Variants in SGIP1 observed in about 807,000 individuals in gnomAD.
The protein encoded by SGIP1 is SH3-containing GRB2-like protein 3-interacting protein 1.
In SGIP1, 38 loss-of-function variants were observed where a neutral mutation model predicts 107.5. That is an observed-to-expected ratio of 0.35 (90% CI 0.27 to 0.46). SGIP1 has a LOEUF of 0.46. SGIP1 is among the 20% of genes least tolerant of loss of function. The pLI is 1.00. For missense variants in SGIP1, 929 were observed against 1,019.5 expected (o/e 0.91, Z 1.21); for synonymous variants, 365 against 366.1 (o/e 1.00, Z 0.03).
rs551679076 is a variant in SGIP1 at position 66,543,307 on chromosome 1, C to T, written c.10+8939C>T. On this transcript the variant is annotated intron_variant, in intron 1 of 24. Transcript: ENST00000371037. ...TTTTTTTTCCCTGAGGAGGACAGCT[C>T]GGTGTTCACTGATATTTTATGAAAG... Among the ~76,000 whole-genome samples the T allele has an allele frequency of 7.2e-5, 11 of 152,182 alleles. No individual in the cohort carries two copies. The East Asian group carries it at 1.2e-3, about 16-fold the overall frequency.
chr1:66,708,869 C>T (rs181548984), intron 18 of SGIP1, among the ~76,000 whole-genome samples: 9 of 152,202 alleles, frequency 5.9e-5, no homozygotes, highest in Non-Finnish European at 1.3e-4. Context: ...AACTCTAATC[C>T]TATTTACATA....
chr1:66,630,869 A>AGAGAGAGAG (rs2074253428), intron 2 of SGIP1, among the ~76,000 whole-genome samples: 1 of 50,320 alleles, frequency 2.0e-5, no homozygotes, highest in South Asian at 1.8e-3. Context: ...GAAAGAAAGA[A>AGAGAGAGAG]AGAAAGAAAG....
chr1:66,688,604 C>T (rs1475743270), intron 15 of SGIP1, among the ~76,000 whole-genome samples: 6 of 152,184 alleles, frequency 3.9e-5, no homozygotes, highest in Non-Finnish European at 7.3e-5. Flanking sequence ...CATATTTTGT[C>T]TTTTGCTTAC....
At chr1:66,721,964 C>T (rs1015609762) in intron 19 of SGIP1, among the ~76,000 whole-genome samples, 1 of 152,126 alleles carries the variant, frequency 6.6e-6, no homozygotes, top group Admixed American at 6.6e-5. Context: ...AAACAAAATG[C>T]TTCATAATAC....
At chr1:66,690,014 C>T (rs2089465968) in intron 16 of SGIP1, among the ~76,000 whole-genome samples, 176 bp from the exon 17 acceptor site, 1 of 152,168 alleles carries the variant, frequency 6.6e-6, no homozygotes, top group South Asian at 2.1e-4. Context: ...TATCGTTTCT[C>T]CAGCTCCATT....
At chr1:66,590,503 T>A (rs2063451094) in intron 1 of SGIP1, 1 of 152,194 alleles carries the variant, frequency 6.6e-6, no homozygotes, top group African/African-American at 2.4e-5. Flanking sequence ...AGTGGTGTGA[T>A]CCTAGCTCAC....
chr1:66,658,470 G>A (rs529505663), intron 7 of SGIP1, among the ~76,000 whole-genome samples: 1 of 152,100 alleles, frequency 6.6e-6, no homozygotes, highest in African/African-American at 2.4e-5. Context: ...TTACAACTGA[G>A]GACACATAGC....
chr1:66,705,204 G>T (rs915902533), intron 18 of SGIP1, among the ~76,000 whole-genome samples: 3 of 152,106 alleles, frequency 2.0e-5, no homozygotes, highest in African/African-American at 4.8e-5. Context: ...TGACTTTGCC[G>T]TACCAAGTCA....
At chr1:66,624,251 A>C (rs958869293) in intron 1 of SGIP1, among the ~76,000 whole-genome samples, 4 of 152,164 alleles carry the variant, frequency 2.6e-5, no homozygotes, top group African/African-American at 4.8e-5. Context: ...GTAGGGATAG[A>C]CTGATGATTA....
At chr1:66,696,052 G>A (rs2090858930) in intron 18 of SGIP1, among the ~76,000 whole-genome samples, 1 of 152,202 alleles carries the variant, frequency 6.6e-6, no homozygotes, top group African/African-American at 2.4e-5. Context: ...TCCTGAAATT[G>A]CAATTGAGAT....
In SGIP1 at chr1:66,748,143, T is replaced by C. The variant is rs2094577371; in HGVS notation, c.*5048T>C. 1 of 152,002 alleles carries C rather than the reference T, an allele frequency of 6.6e-6. No homozygotes were observed. The highest frequency in any genetic ancestry group is 1.5e-5 in the Non-Finnish European group (1 of 67,872). 9.4% of individuals were successfully genotyped at this position (152,002 alleles called of 1,614,324 possible). A position where few individuals can be genotyped will look rare whatever the true frequency, so the allele number is the denominator to read the frequency against. Reference sequence around the variant, plus strand: ...TATTTTCCCTGCTCCTTTAGGCTTTTTTTTCATGTGGAAAACAGTATCTAA... The same window carrying C: ...TATTTTCCCTGCTCCTTTAGGCTTTCTTTTCATGTGGAAAACAGTATCTAA... On this transcript the variant is annotated 3_prime_UTR_variant, in exon 25 of 25. Coordinates refer to ENST00000371037, the MANE Select transcript of SGIP1 (RefSeq NM_032291.4).
intron 19 of SGIP1, among the ~76,000 whole-genome samples, chr1:66,720,390 T>A (rs2093468886): frequency 6.6e-6 from 1 of 152,206 alleles, no homozygotes; most frequent in Non-Finnish European, 1.5e-5. Context: ...TTAATTTTTT[T>A]ACTTACAAAG....
At chr1:66,616,244 T>G (rs140327660) in intron 1 of SGIP1, 14 of 152,342 alleles carry the variant, frequency 9.2e-5, no homozygotes, top group Middle Eastern at 3.4e-3. Context: ...AAATTTTGAT[T>G]ATTTTCAAAT....
intron 17 of SGIP1, chr1:66,690,528 C>G (rs2089585845): frequency 2.5e-5 from 15 of 588,956 alleles, no homozygotes; most frequent in South Asian, 2.2e-4. Flanking sequence ...ACATTAACAC[C>G]TGTGTTTTGC....
rs567992938 is a variant in SGIP1 at position 66,727,785 on chromosome 1, C to G, written c.1743-1479C>G. Among the ~76,000 whole-genome samples the G allele has an allele frequency of 1.1e-4, 16 of 152,234 alleles. 1 individual carries two copies. Among genetic ancestry groups the G allele is most frequent in the African/African-American group, 3.9e-4 (16 of 41,540 alleles). On this transcript the variant is annotated intron_variant, in intron 19 of 24. Coordinates refer to ENST00000371037, the MANE Select transcript of SGIP1 (RefSeq NM_032291.4). ...AAGAAACAAAAAATCACACACCTTA[C>G]AATTCTGTTATATGAAATTCTAGAA... is the stretch of plus-strand genomic sequence containing the variant.
intron 1 of SGIP1, among the ~76,000 whole-genome samples, chr1:66,559,175 A>G (rs1175613910): frequency 6.6e-6 from 1 of 152,016 alleles, no homozygotes; most frequent in African/African-American, 2.4e-5. Flanking sequence ...AATCTTGTTT[A>G]ATATATATTC....
intron 24 of SGIP1, among the ~76,000 whole-genome samples, chr1:66,742,767 C>A (rs2094499574): frequency 6.7e-6 from 1 of 149,164 alleles, no homozygotes. Flanking sequence ...CCGCGCCCGG[C>A]CTATGAGCAC....
At chr1:66,657,625 T>A (rs2080052337) in intron 7 of SGIP1, among the ~76,000 whole-genome samples, 1 of 152,020 alleles carries the variant, frequency 6.6e-6, no homozygotes, top group Admixed American at 6.6e-5. Flanking sequence ...AGGATAAGGG[T>A]CTATGAGTTC....
intron 7 of SGIP1, among the ~76,000 whole-genome samples, chr1:66,644,415 C>A (rs977846949): frequency 6.6e-6 from 1 of 151,808 alleles, no homozygotes; most frequent in East Asian, 1.9e-4. Flanking sequence ...TACTAAGTTT[C>A]TTTAATTGCT....
Sources: gnomAD v4.1 joint callset for allele counts (sites outside exome capture counted in the v4.1 genomes callset) on GRCh38, gnomAD v4.1.1 for gene constraint, MANE v1.5 for transcripts, NCBI Gene and HGNC (gene_info 2026-07-23, HGNC 2026-07-21) for gene names.